PHKB: variants seen among roughly 807,000 people sequenced by gnomAD.
PHKB encodes phosphorylase kinase regulatory subunit beta.
Under a neutral mutation model 152.1 loss-of-function variants are expected in PHKB, and 122 were observed. That is an observed-to-expected ratio of 0.80 (90% CI 0.69 to 0.93). PHKB has a LOEUF of 0.93. Among genes scored for constraint, PHKB ranks in the 40% least tolerant of loss-of-function variants. PHKB has a pLI of 0.00. For synonymous variants in PHKB, 436 were observed against 464.9 expected (o/e 0.94, Z 0.80); for missense variants, 1,304 against 1,328.4 (o/e 0.98, Z 0.29).
At position 47,650,958 on chromosome 16, in the gene PHKB, G is replaced by C. The variant is rs200200181; in HGVS notation, c.1971+37G>C. ...ATTTTCAGTATGCATCTATTTTCAG[G>C]ACAGTTAATCTACAATACAGCTATG... is the stretch of plus-strand genomic sequence containing the variant. On this transcript the variant is annotated intron_variant, in intron 20 of 30. Coordinates refer to ENST00000323584, the MANE Select transcript of PHKB (RefSeq NM_000293.3). 40 of 1,377,730 alleles carry C rather than the reference G, an allele frequency of 2.9e-5. No homozygotes were observed. In the African/African-American group the frequency reaches 5.5e-4, roughly 19 times the overall value. The allele number at this position is 1,377,730 out of a possible 1,614,324, so 85.3% of individuals were successfully genotyped here. A position where few individuals can be genotyped will look rare whatever the true frequency, so the allele number is the denominator to read the frequency against.
intron 1 of PHKB, among the ~76,000 whole-genome samples, chr16:47,480,456 C>T (rs1969944822): frequency 6.6e-6 from 1 of 152,050 alleles, no homozygotes; most frequent in African/African-American, 2.4e-5. Flanking sequence ...TCCTAAGTAT[C>T]CTTGTAAGAT....
At chr16:47,533,799 C>A (rs1970904452) in intron 6 of PHKB, among the ~76,000 whole-genome samples, 2 of 152,112 alleles carry the variant, frequency 1.3e-5, no homozygotes, top group African/African-American at 4.8e-5. Context: ...CACAGCTGTG[C>A]CAGAGGTTCA....
chr16:47,526,448 A>G (rs992855317), intron 6 of PHKB, among the ~76,000 whole-genome samples: 1 of 151,968 alleles, frequency 6.6e-6, no homozygotes, highest in Admixed American at 6.6e-5. Flanking sequence ...GATAAGCTCA[A>G]CCTTCAGTTC....
intron 1 of PHKB, among the ~76,000 whole-genome samples, chr16:47,486,938 G>A (rs922354817): frequency 6.6e-6 from 1 of 152,122 alleles, no homozygotes; most frequent in Non-Finnish European, 1.5e-5. Context: ...CCCATAACTG[G>A]AAGATTATCT....
chr16:47,557,773 T>A (rs1971402678), intron 7 of PHKB, among the ~76,000 whole-genome samples: 1 of 152,080 alleles, frequency 6.6e-6, no homozygotes, highest in African/African-American at 2.4e-5. Context: ...GGAACACTTT[T>A]ACACTGTTGG....
chr16:47,476,294 C>A (rs182795133), intron 1 of PHKB, among the ~76,000 whole-genome samples: 3 of 152,226 alleles, frequency 2.0e-5, no homozygotes, highest in Admixed American at 1.3e-4. Context: ...TTACGTATTT[C>A]TAACAGAAAT....
intron 7 of PHKB, among the ~76,000 whole-genome samples, chr16:47,560,733 A>G (rs1567306681): frequency 6.6e-6 from 1 of 152,152 alleles, no homozygotes; most frequent in Non-Finnish European, 1.5e-5. Context: ...CTGGACCCCT[A>G]TTTCACACCA....
intron 1 of PHKB, among the ~76,000 whole-genome samples, chr16:47,494,248 T>C (rs563453513): frequency 6.6e-6 from 1 of 152,318 alleles, no homozygotes; most frequent in South Asian, 2.1e-4. Context: ...TTATAGAGTA[T>C]TCAAGCCTAA....
intron 1 of PHKB, among the ~76,000 whole-genome samples, chr16:47,482,803 C>T (rs958404739): frequency 6.6e-6 from 1 of 152,038 alleles, no homozygotes; most frequent in African/African-American, 2.4e-5. Context: ...TCACTGCAAC[C>T]TCTGCCTCCT....
intron 7 of PHKB, among the ~76,000 whole-genome samples, chr16:47,549,948 C>T (rs1430370033): frequency 2.6e-5 from 4 of 151,748 alleles, no homozygotes; most frequent in African/African-American, 7.3e-5. Flanking sequence ...TGTAGTAGGC[C>T]GATTTTGTTC....
At chr16:47,615,124 C>A (rs1227462568) in intron 14 of PHKB, among the ~76,000 whole-genome samples, 1 of 152,166 alleles carries the variant, frequency 6.6e-6, no homozygotes, top group African/African-American at 2.4e-5. Flanking sequence ...ACAGATAATG[C>A]CCCATTTCTT....
chr16:47,653,033 A>G (rs922800714), intron 20 of PHKB, among the ~76,000 whole-genome samples: 1 of 151,116 alleles, frequency 6.6e-6, no homozygotes, highest in Admixed American at 6.6e-5. Flanking sequence ...TAGGAGAAAG[A>G]TTCTTGATGA....
At chr16:47,572,963 C>G (rs1971687955) in intron 7 of PHKB, among the ~76,000 whole-genome samples, 1 of 152,142 alleles carries the variant, frequency 6.6e-6, no homozygotes, top group Non-Finnish European at 1.5e-5. Flanking sequence ...CATACAAGGT[C>G]CTTTCCCTTT....
chr16:47,574,579 C>T (rs540538231), intron 7 of PHKB, among the ~76,000 whole-genome samples: 4 of 152,206 alleles, frequency 2.6e-5, no homozygotes, highest in Admixed American at 6.5e-5. Context: ...ATTTGGCTCA[C>T]AGTTTTGCAG....
At chr16:47,506,495 G>A (rs1970422423) in intron 4 of PHKB, among the ~76,000 whole-genome samples, 1 of 152,168 alleles carries the variant, frequency 6.6e-6, no homozygotes, top group African/African-American at 2.4e-5. Context: ...CATATGTTAT[G>A]TTGAAATAAT....
chr16:47,506,027 CAAAAAAAAA>C (rs1198434467), intron 4 of PHKB, among the ~76,000 whole-genome samples: 1 of 50,266 alleles, frequency 2.0e-5, no homozygotes, highest in Non-Finnish European at 4.1e-5. Context: ...GAAACTGTCT[CAAAAAAAAA>C]AAAAAAAAAG....
Position 47,515,559 on chromosome 16 carries a change from A to T in PHKB, c.552A>T (p.Glu184Asp). The change falls in exon 6 of 31, where the codon GAA becomes GAT. Residue 184 changes from glutamate (E) to aspartate (D), a missense_variant. Glu to Asp is a conservative substitution (Grantham distance 45, BLOSUM62 2). Transcript: ENST00000323584. The part of the protein sequence containing the change: ...AVSLYLLYLV[E>D]MISSGLQIIY... ...CACTTTATCTCCTTTACCTTGTGGA[A>T]ATGATTTCCTCAGGACTCCAGATTA... The T allele has an allele frequency of 1.3e-6, 2 of 1,513,160 alleles. No homozygotes were observed. Among genetic ancestry groups the T allele is most frequent in the East Asian group, 4.5e-5 (2 of 44,286 alleles). 93.7% of individuals were successfully genotyped at this position (1,513,160 alleles called of 1,614,324 possible).
chr16:47,567,479 T>C (rs1037211649), intron 7 of PHKB, among the ~76,000 whole-genome samples: 1 of 152,150 alleles, frequency 6.6e-6, no homozygotes, highest in Non-Finnish European at 1.5e-5. Context: ...ATCAGAGATA[T>C]AAAAAGAGAT....
chr16:47,681,219 TGTG>T lies in PHKB; in HGVS notation c.2631-7818_2631-7816del, dbSNP rs1189667014. ...GTAGTCAGTTTTGGAATAGGTGTGGTGTGGTGTTGAAAAAAATGTATATTCTGT... is the reference window on the plus strand; with the variant it reads ...GTAGTCAGTTTTGGAATAGGTGTGGTGTGTTGAAAAAAATGTATATTCTGT... On this transcript the variant is annotated intron_variant, in intron 26 of 30. Transcript: ENST00000323584. 3.3e-5 allele frequency among the ~76,000 whole-genome samples: 5 copies of T among 152,208 alleles called. No homozygotes were observed. The East Asian group carries it at 9.7e-4, about 29-fold the overall frequency.
Sources: allele counts gnomAD v4.1 joint callset (sites outside exome capture counted in the v4.1 genomes callset), GRCh38; gene constraint gnomAD v4.1.1; transcripts MANE v1.5; gene names NCBI Gene and HGNC (gene_info 2026-07-23, HGNC 2026-07-21).